Variants in THSD7B observed in about 807,000 individuals in gnomAD.
THSD7B encodes thrombospondin type 1 domain containing 7B.
Under a neutral mutation model 213.6 loss-of-function variants are expected in THSD7B, and 138 were observed. The ratio of observed to expected loss-of-function variants is 0.65; its 90% CI spans 0.56 to 0.74. The LOEUF is 0.74. Among genes scored for constraint, THSD7B ranks in the 30% least tolerant of loss-of-function variants. THSD7B has a pLI of 0.00. For missense variants in THSD7B, 1,931 were observed against 1,991.5 expected (o/e 0.97, Z 0.58); for synonymous variants, 742 against 687.0 (o/e 1.08, Z -1.25).
chr2:137,114,558 G>T (rs1456700783), intron 4 of THSD7B, among the ~76,000 whole-genome samples: 1 of 152,132 alleles, frequency 6.6e-6, no homozygotes, highest in Non-Finnish European at 1.5e-5. Flanking sequence ...TATATATAGT[G>T]GCACGGTATT....
chr2:136,828,129 T>C (rs1682689589), intron 1 of THSD7B, among the ~76,000 whole-genome samples: 1 of 152,186 alleles, frequency 6.6e-6, no homozygotes, highest in Admixed American at 6.5e-5. Flanking sequence ...ATCTGCCACC[T>C]GACCCCACAT....
intron 15 of THSD7B, among the ~76,000 whole-genome samples, chr2:137,471,770 A>C (rs1052598689): frequency 6.6e-6 from 1 of 152,080 alleles, no homozygotes; most frequent in African/African-American, 2.4e-5. Context: ...CATGTCCCCT[A>C]GACTCTGCAC....
chr2:137,610,287 A>C (rs185026091), intron 17 of THSD7B, among the ~76,000 whole-genome samples: 19 of 152,172 alleles, frequency 1.2e-4, no homozygotes, highest in Admixed American at 1.1e-3. Flanking sequence ...TATTTCTAAC[A>C]AGTTGCCAGG....
chr2:137,358,033 A>G (rs1241906952), intron 12 of THSD7B, among the ~76,000 whole-genome samples: 1 of 152,076 alleles, frequency 6.6e-6, no homozygotes, highest in Non-Finnish European at 1.5e-5. Context: ...TCCCTTTTTT[A>G]TGGTGATTTT....
At chr2:137,106,350 A>G (rs1688251012) in intron 4 of THSD7B, among the ~76,000 whole-genome samples, 1 of 152,180 alleles carries the variant, frequency 6.6e-6, no homozygotes, top group Non-Finnish European at 1.5e-5. Context: ...CATATGCAGA[A>G]AACTGAAACT....
intron 1 of THSD7B, among the ~76,000 whole-genome samples, chr2:136,809,107 A>G (rs961839567): frequency 2.0e-5 from 3 of 152,218 alleles, no homozygotes; most frequent in Non-Finnish European, 2.9e-5. Flanking sequence ...GGAATTTTTC[A>G]TATAAACATA....
At chr2:137,461,727 G>C (rs551710209) in intron 15 of THSD7B, among the ~76,000 whole-genome samples, 3 of 151,958 alleles carry the variant, frequency 2.0e-5, no homozygotes, top group African/African-American at 7.2e-5. Context: ...TTTTAAAAAC[G>C]TTTTATGACC....
intron 5 of THSD7B, among the ~76,000 whole-genome samples, chr2:137,120,490 G>A (rs1016973502): frequency 6.6e-6 from 1 of 151,732 alleles, no homozygotes; most frequent in African/African-American, 2.4e-5. Context: ...GAAAGGAAGA[G>A]GGAGAATGGA....
chr2:137,206,373 G>A (rs1680984144), intron 7 of THSD7B, among the ~76,000 whole-genome samples: 1 of 152,040 alleles, frequency 6.6e-6, no homozygotes, highest in East Asian at 1.9e-4. Context: ...TAATGAGGAA[G>A]AAAGAATAAG....
chr2:137,374,248 C>G (rs992885858), intron 12 of THSD7B, among the ~76,000 whole-genome samples: 1 of 152,126 alleles, frequency 6.6e-6, no homozygotes, highest in Non-Finnish European at 1.5e-5. Context: ...TCCTTTCTTT[C>G]CATTTAACTC....
At chr2:136,911,837 T>C (rs1684263625) in intron 2 of THSD7B, among the ~76,000 whole-genome samples, 1 of 152,236 alleles carries the variant, frequency 6.6e-6, no homozygotes, top group South Asian at 2.1e-4. Flanking sequence ...TTAGTTAAAT[T>C]CCAAATTTCT....
chr2:137,406,889 T>C (rs190374606), intron 13 of THSD7B, among the ~76,000 whole-genome samples: 4 of 152,276 alleles, frequency 2.6e-5, no homozygotes, highest in Admixed American at 6.5e-5. Context: ...AAATTTCTCA[T>C]AGAAAAACAA....
At chr2:137,224,958 TTTC>T (rs1476518425) in intron 7 of THSD7B, among the ~76,000 whole-genome samples, 1 of 152,168 alleles carries the variant, frequency 6.6e-6, no homozygotes, top group African/African-American at 2.4e-5. Flanking sequence ...ATTGCTATTA[TTTC>T]TTATCTAAAG....
At chr2:137,205,395 A>G (rs1680964192) in intron 7 of THSD7B, among the ~76,000 whole-genome samples, 1 of 152,068 alleles carries the variant, frequency 6.6e-6, no homozygotes, top group South Asian at 2.1e-4. Flanking sequence ...TTAAGATCTA[A>G]GTTTATCACA....
At chr2:136,781,568 G>C (rs1681744446) in intron 1 of THSD7B, among the ~76,000 whole-genome samples, 1 of 151,866 alleles carries the variant, frequency 6.6e-6, no homozygotes, top group African/African-American at 2.4e-5. Context: ...CACTGTGCCT[G>C]GCCGCCTACT....
chr2:137,236,400 C>T (rs559856880), intron 9 of THSD7B, among the ~76,000 whole-genome samples: 2 of 152,284 alleles, frequency 1.3e-5, no homozygotes, highest in South Asian at 4.1e-4. Context: ...AGTAATCGAA[C>T]TGATCATATC....
intron 15 of THSD7B, among the ~76,000 whole-genome samples, chr2:137,512,441 G>C (rs1185262747): frequency 7.5e-6 from 1 of 132,566 alleles, no homozygotes; most frequent in Non-Finnish European, 1.5e-5. Context: ...GCCCAGCCTG[G>C]AGAGCAATGG....
At chr2:137,059,898 C>T (rs1687239704) in intron 3 of THSD7B, among the ~76,000 whole-genome samples, 1 of 152,150 alleles carries the variant, frequency 6.6e-6, no homozygotes, top group Non-Finnish European at 1.5e-5. Flanking sequence ...TCAAGTAGTG[C>T]AATTGCTGTA....
intron 15 of THSD7B, among the ~76,000 whole-genome samples, chr2:137,507,069 C>T (rs536751187): frequency 6.6e-6 from 1 of 152,186 alleles, no homozygotes. Flanking sequence ...AGTACATAAT[C>T]GTATCCTTGA....
Sources: allele counts gnomAD v4.1 joint callset (sites outside exome capture counted in the v4.1 genomes callset), GRCh38; gene constraint gnomAD v4.1.1; transcripts MANE v1.5; gene names NCBI Gene and HGNC (gene_info 2026-07-23, HGNC 2026-07-21).